Variants in OTOG observed in about 807,000 individuals in gnomAD.
OTOG encodes otogelin.
Under a neutral mutation model 313.8 loss-of-function variants are expected in OTOG, and 296 were observed. The observed-to-expected ratio is 0.94, with a 90% CI of 0.86 to 1.04. The LOEUF (loss-of-function observed/expected upper bound fraction) is 1.04, where lower values mean the gene tolerates loss of function less well. Ranked by LOEUF, OTOG falls within the 50% of genes least tolerant of loss-of-function variation. The probability of loss-of-function intolerance (pLI) is 0.00; values close to 1 mark genes in which losing one functional copy is unlikely to be tolerated. For missense variants in OTOG, 3,948 were observed against 3,840.1 expected, an observed-to-expected ratio of 1.03 and a Z score of -0.74; for synonymous variants, 1,533 against 1,554.9, an observed-to-expected ratio of 0.99 and a Z score of 0.33.
intron 24 of OTOG, among the ~76,000 whole-genome samples, chr11:17,590,776 G>A (rs769520592): frequency 7.2e-5 from 11 of 151,996 alleles, no homozygotes; most frequent in East Asian, 1.9e-4. Context: ...GTTGTCTCCC[G>A]AGTGTTCCCC....
At position 17,611,055 on chromosome 11, in the gene OTOG, C is replaced by T. The variant is rs1262255689; in HGVS notation, c.5755C>T (p.Leu1919=). 1 of 1,550,562 alleles carries T rather than the reference C, an allele frequency of 6.4e-7. No homozygotes were observed. The highest frequency in any genetic ancestry group is 2.4e-5 in the East Asian group (1 of 40,932). ...GGCCATCCTATCCAAGCAAGTGTCTCTGCCCACTTCCATGTATGGTTCTGC... is the reference window on the plus strand; with the variant it reads ...GGCCATCCTATCCAAGCAAGTGTCTTTGCCCACTTCCATGTATGGTTCTGC... ...KVAILSKQVS[L]PTSMYGSAEG... Residue 1919 remains leucine, a synonymous_variant, in exon 36 of 56, where the codon CTG becomes TTG. Coordinates refer to ENST00000399397, the MANE Select transcript of OTOG (RefSeq NM_001292063.2).
chr11:17,609,756 T>A lies in OTOG; in HGVS notation c.4456T>A (p.Ser1486Thr), dbSNP rs1853477925. The A allele has an allele frequency of 6.5e-7, 1 of 1,548,540 alleles. No homozygotes were observed. The highest frequency in any genetic ancestry group is 2.0e-5 in the Admixed American group (1 of 50,752). The change falls in exon 36 of 56, where the codon TCA becomes ACA. Residue 1486 changes from serine to threonine, a missense_variant. Ser to Thr is a moderately conservative substitution (Grantham distance 58). Transcript: ENST00000399397. ...PTPSDEEPQL[S>T]QESPRTPTHR... ...TCCCAGTGATGAGGAGCCACAGCTG[T>A]CACAGGAAAGCCCCAGGACCCCCAC...
At position 17,609,194 on chromosome 11, in the gene OTOG, G is replaced by A. The variant is rs1332357916; in HGVS notation, c.4339G>A (p.Val1447Ile). The A allele has an allele frequency of 1.3e-6, 2 of 1,550,476 alleles. No homozygotes were observed. The highest frequency in any genetic ancestry group is 2.0e-5 in the Admixed American group (1 of 50,988). Residue 1447 changes from valine to isoleucine, a missense_variant, in exon 35 of 56, where the codon GTC becomes ATC. Physicochemically the swap from Val to Ile is conservative, Grantham distance 29. Transcript: ENST00000399397. ...QVLDEVTQRCVYLEDCVEPAV... is the reference protein window; with the variant it reads ...QVLDEVTQRCIYLEDCVEPAV... ...CCTGGATGAAGTCACACAGAGATGT[G>A]TCTACTTGGAGGACTGTAAGTGGCC...
Position 17,559,132 on chromosome 11 carries a change from A to G in OTOG, c.1184A>G (p.Gln395Arg). ...RACAQAGRPL[Q>R]GWRTQLRQCT... ...TGTGCCCAGGCAGGGCGGCCCTTGC[A>G]AGGCTGGAGGACCCAGCTCCGGCAA... The change falls in exon 11 of 56, where the codon CAA becomes CGA. Residue 395 changes from glutamine (Q) to arginine (R), a missense_variant. Physicochemically the swap from Gln to Arg is conservative, Grantham distance 43. Coordinates refer to ENST00000399397, the MANE Select transcript of OTOG (RefSeq NM_001292063.2). 6.5e-7 allele frequency: 1 copy of G among 1,541,236 alleles called. No individual in the cohort carries two copies. The highest frequency in any genetic ancestry group is 8.7e-7 in the Non-Finnish European group (1 of 1,146,896).
rs1443390220 is a variant in OTOG, at chr11:17,576,545, T to C, written c.2487-11T>C. 6.5e-7 allele frequency: 1 copy of C among 1,547,262 alleles called. No individual in the cohort carries two copies. The highest frequency in any genetic ancestry group is 2.4e-5 in the East Asian group (1 of 40,910). On this transcript the variant is annotated splice_polypyrimidine_tract_variant and intron_variant, in intron 20 of 55. Transcript: ENST00000399397. The stretch of plus-strand genomic sequence containing the variant: ...GCCTGCTCACCTTTCTTTGCTCCCA[T>C]TTTTTTATAGGAACCAGTGCTCCTG...
intron 26 of OTOG, 39 bp from the exon 27 acceptor site, chr11:17,593,571 G>A (rs1254038514): frequency 1.9e-6 from 3 of 1,542,784 alleles, no homozygotes; most frequent in Non-Finnish European, 1.8e-6. Flanking sequence ...GGCGCTAGGG[G>A]GCACTTGGGC....
intron 24 of OTOG, 139 bp downstream of exon 24, chr11:17,586,720 A>G: frequency 2.1e-6 from 1 of 466,426 alleles, no homozygotes; most frequent in Admixed American, 4.5e-5. Flanking sequence ...TGTGTGTGGT[A>G]TAGGGGTTTG....
At chr11:17,633,342 T>C (rs887565670) in intron 42 of OTOG, among the ~76,000 whole-genome samples, 8 of 152,238 alleles carry the variant, frequency 5.3e-5, no homozygotes, top group Non-Finnish European at 7.3e-5. Context: ...TTTGATGACT[T>C]GTGTGCCATA....
chr11:17,556,738 G>T (rs1437602152), intron 7 of OTOG, among the ~76,000 whole-genome samples: 2 of 152,152 alleles, frequency 1.3e-5, no homozygotes, highest in Non-Finnish European at 2.9e-5. Context: ...AGTGGTCAAG[G>T]CTGCTGGAGC....
chr11:17,625,739 C>A (rs1218549671), intron 39 of OTOG, among the ~76,000 whole-genome samples: 1 of 152,068 alleles, frequency 6.6e-6, no homozygotes, highest in East Asian at 1.9e-4. Context: ...TATTTTCTCC[C>A]ATTCTATGGG....
intron 26 of OTOG, 102 bp from the exon 27 acceptor site, chr11:17,593,508 A>G (rs1043718640): frequency 1.4e-6 from 2 of 1,472,476 alleles, no homozygotes; most frequent in Non-Finnish European, 1.8e-6. Context: ...ATGTCAGGGT[A>G]TGAGGGAGGC....
rs751070507 is a variant in OTOG, at chr11:17,612,610, C to T, written c.6293-10C>T. The T allele has an allele frequency of 1.2e-5, 18 of 1,548,488 alleles. No homozygotes were observed. The highest frequency in any genetic ancestry group is 2.4e-5 in the East Asian group (1 of 40,898). On this transcript the variant is annotated splice_polypyrimidine_tract_variant and intron_variant, in intron 37 of 55. Transcript: ENST00000399397. Reference sequence around the variant, plus strand: ...CCACCTATTCTTCTTGTGCCCTGCCCCTCCCCCAGGCCGGTGCTCAATCTT... The same window carrying T: ...CCACCTATTCTTCTTGTGCCCTGCCTCTCCCCCAGGCCGGTGCTCAATCTT...
Position 17,547,976 on chromosome 11 carries a change from C to G in OTOG, c.144C>G (p.Ala48=), listed in dbSNP as rs58448442. ...WGSAEPQPEP[A]GQPSSSHQEA... ...GTGCAGAGCCACAGCCAGAGCCAGC[C>G]GGGCAACCCAGGTGAGTAGGTGTGA... The change falls in exon 2 of 56, where the codon GCC becomes GCG. Residue 48 remains alanine, a synonymous_variant. Transcript: ENST00000399397. 3,679 of 602,012 alleles carry G rather than the reference C, an allele frequency of 6.1e-3. 116 individuals carry two copies. Among genetic ancestry groups the G allele is most frequent in the African/African-American group, 0.06 (3,215 of 53,428 alleles). The allele number at this position is 602,012 out of a possible 1,614,324, so 37.3% of individuals were successfully genotyped here.
chr11:17,575,844 A>G (rs1355472531), intron 20 of OTOG, among the ~76,000 whole-genome samples: 1 of 151,978 alleles, frequency 6.6e-6, no homozygotes, highest in Non-Finnish European at 1.5e-5. Context: ...ATAGAGAGGG[A>G]GGTGGTTGTT....
At chr11:17,619,026 G>A (rs976854570) in intron 39 of OTOG, among the ~76,000 whole-genome samples, 2 of 152,162 alleles carry the variant, frequency 1.3e-5, no homozygotes, top group African/African-American at 4.8e-5. Context: ...ACTTTGGGAG[G>A]TTGAAGCAGG....
intron 6 of OTOG, among the ~76,000 whole-genome samples, chr11:17,555,197 G>C (rs866783820): frequency 8.4e-6 from 1 of 118,682 alleles, no homozygotes; most frequent in Non-Finnish European, 1.7e-5. Flanking sequence ...TCTGAATGGC[G>C]GGGGCAGAGA....
intron 34 of OTOG, 106 bp from the exon 35 acceptor site, chr11:17,609,024 C>T (rs577554665): frequency 1.1e-4 from 96 of 858,940 alleles, no homozygotes; most frequent in East Asian, 1.1e-3. Flanking sequence ...CATGTGTGCA[C>T]GCACATGTGT....
At chr11:17,613,517 C>A in intron 38 of OTOG, 95 bp from the exon 39 acceptor site, 2 of 1,040,380 alleles carry the variant, frequency 1.9e-6, no homozygotes, top group South Asian at 1.4e-5. Flanking sequence ...AGGGGGTAGT[C>A]AGGGGAGACT....
At chr11:17,627,632 T>C (rs1360770519) in intron 39 of OTOG, among the ~76,000 whole-genome samples, 1 of 152,190 alleles carries the variant, frequency 6.6e-6, no homozygotes, top group Non-Finnish European at 1.5e-5. Flanking sequence ...ATTCCCTCCT[T>C]CTCTAATAGT....
Sources: gnomAD v4.1 joint callset for allele counts (sites outside exome capture counted in the v4.1 genomes callset) on GRCh38, gnomAD v4.1.1 for gene constraint, MANE v1.5 for transcripts, NCBI Gene and HGNC (gene_info 2026-07-23, HGNC 2026-07-21) for gene names.